The following ELL3 variants were observed in gnomAD, a reference collection of about 807,000 sequenced individuals.
ELL3 encodes the protein RNA polymerase II elongation factor ELL3.
Under a neutral mutation model 58.5 loss-of-function variants are expected in ELL3, and 48 were observed. The observed-to-expected ratio is 0.82, with a 90% confidence interval of 0.65 to 1.04. The LOEUF (loss-of-function observed/expected upper bound fraction) is 1.04. Among genes scored for constraint, ELL3 ranks in the 50% least tolerant of loss-of-function variants. The pLI, the probability that ELL3 is intolerant of heterozygous loss-of-function variation, is 0.00. For missense variants in ELL3, 458 were observed against 478.4 expected, an observed-to-expected ratio of 0.96 and a Z score of 0.40; for synonymous variants, 174 against 173.2, an observed-to-expected ratio of 1.00 and a Z score of -0.04.
chr15:43,776,454 C>T (rs1247244269), intron 2 of ELL3, 55 bp downstream of exon 2: 2 of 1,553,580 alleles, frequency 1.3e-6, no homozygotes, highest in Non-Finnish European at 1.7e-6. Context: ...ACCTCCAGCC[C>T]ACGTTTATGC....
rs777648508 is a variant in ELL3 at position 43,773,329 on chromosome 15, A to G, written c.1058T>C (p.Ile353Thr). 9.3e-6 allele frequency: 15 copies of G among 1,614,026 alleles called. No homozygotes were observed. The highest frequency in any genetic ancestry group is 1.3e-5 in the Non-Finnish European group (15 of 1,180,034). Residue 353 changes from isoleucine to threonine, a missense_variant, in exon 10 of 11, where the codon ATC becomes ACC. Coordinates refer to ENST00000319359, the MANE Select transcript of ELL3 (RefSeq NM_025165.3). The stretch of plus-strand genomic sequence containing the variant: ...CTTCCTGAACTTTTTATATTCCTGG[A>G]TTATCTTGTCTTCCAGGACCTGAAA... ...PEYKVLEDKI[I>T]QEYKKFRKQY...
At position 43,772,992 on chromosome 15, in the gene ELL3, A is replaced by G. The variant is rs1355887495; in HGVS notation, c.*124T>C. 1.5e-5 allele frequency: 14 copies of G among 910,550 alleles called. No homozygotes were observed. The highest frequency in any genetic ancestry group is 5.1e-5 in the South Asian group (3 of 58,376). 56.4% of individuals were successfully genotyped at this position (910,550 alleles called of 1,614,324 possible). A position where few individuals can be genotyped will look rare whatever the true frequency, so the allele number is the denominator to read the frequency against. Reference sequence around the variant, plus strand: ...CCTCAAGAACCTAGAGCAGCTCTCTACTTGCCACCATGGACTCCAGTGGTC... The same window carrying G: ...CCTCAAGAACCTAGAGCAGCTCTCTGCTTGCCACCATGGACTCCAGTGGTC... On this transcript the variant is annotated 3_prime_UTR_variant, in exon 11 of 11. Coordinates refer to ENST00000319359, the MANE Select transcript of ELL3 (RefSeq NM_025165.3).
intron 9 of ELL3, among the ~76,000 whole-genome samples, chr15:43,773,872 C>T: frequency 6.6e-6 from 1 of 151,994 alleles, no homozygotes; most frequent in East Asian, 1.9e-4. Context: ...CATGGTGGCA[C>T]ATACCTATAA....
rs2141660057 is a variant in ELL3, at chr15:43,773,039, T to A, written c.*77A>T. On this transcript the variant is annotated 3_prime_UTR_variant, in exon 11 of 11. Transcript: ENST00000319359. ...GGTCAGCATAAGAAAAGCAGATAGT[T>A]GCATTCTATTTAGTTTATAGCTGCT... is the stretch of plus-strand genomic sequence containing the variant. 3.0e-6 allele frequency: 4 copies of A among 1,320,800 alleles called. No homozygotes were observed. In the East Asian group the frequency reaches 9.2e-5, roughly 31 times the overall value. 81.8% of individuals were successfully genotyped at this position (1,320,800 alleles called of 1,614,324 possible).
rs1484157683 is a variant in ELL3, at chr15:43,775,911, G to C, written c.294C>G (p.Asn98Lys). Residue 98 changes from asparagine to lysine, a missense_variant, in exon 4 of 11, where the codon AAC (asparagine) becomes AAG (lysine). By Grantham distance (94) the Asn-to-Lys change is moderately conservative. Transcript: ENST00000319359. The part of the protein sequence containing the change: ...VCQRFLRSGP[N>K]SLHCLGSLRE... ...TGAGTGAGCCCAGGCAGTGGAGGCT[G>C]TTAGGCCCAGACCTGGAAAAGGATG... 3.1e-6 allele frequency: 5 copies of C among 1,614,158 alleles called. No individual in the cohort carries two copies. The highest frequency in any genetic ancestry group is 4.2e-6 in the Non-Finnish European group (5 of 1,180,010).
chr15:43,775,614 G>A lies in ELL3; in HGVS notation c.484-4C>T, dbSNP rs776059471. The A allele has an allele frequency of 6.2e-7, 1 of 1,614,184 alleles. No homozygotes were observed. Among genetic ancestry groups the A allele is most frequent in the Non-Finnish European group, 8.5e-7 (1 of 1,180,030 alleles). On this transcript the variant is annotated splice_region_variant and splice_polypyrimidine_tract_variant and intron_variant, in intron 4 of 10. Transcript: ENST00000319359. ...CCAGTGGATCTGACACTGACACCTG[G>A]TGGGGAAAGTGGCAGGAGCACTTGG...
At chr15:43,774,887 G>A (rs1242890067) in intron 6 of ELL3, 114 bp from the exon 7 acceptor site, 23 of 1,170,846 alleles carry the variant, frequency 2.0e-5, no homozygotes, top group Admixed American at 6.1e-5. Context: ...AATCCTGACC[G>A]TTTCAGAGGC....
Position 43,776,154 on chromosome 15 carries a change from G to C in ELL3, c.169-3C>G, listed in dbSNP as rs78513225. The stretch of plus-strand genomic sequence containing the variant: ...CCAGGGCCTGGGAGTCTCAGATACT[G>C]GGGGTGGAAGGAGACGGTAAGCCCC... On this transcript the variant is annotated splice_region_variant and splice_polypyrimidine_tract_variant and intron_variant, in intron 2 of 10. Transcript: ENST00000319359. 6.2e-7 allele frequency: 1 copy of C among 1,612,650 alleles called. No homozygotes were observed. The highest frequency in any genetic ancestry group is 8.5e-7 in the Non-Finnish European group (1 of 1,178,782).
Sources: allele counts gnomAD v4.1 joint callset (sites outside exome capture counted in the v4.1 genomes callset), GRCh38; gene constraint gnomAD v4.1.1; transcripts MANE v1.5; gene names NCBI Gene and HGNC (gene_info 2026-07-23, HGNC 2026-07-21).